Variants in RLN2 observed in about 807,000 individuals in gnomAD.
RLN2 encodes the protein prorelaxin H2.
Under a neutral mutation model 7.3 loss-of-function variants are expected in RLN2, and 10 were observed. The observed-to-expected ratio is 1.36, with a 90% CI of 0.84 to 2.31. The LOEUF (loss-of-function observed/expected upper bound fraction) is 2.31, where lower values mean the gene tolerates loss of function less well. Ranked by LOEUF, RLN2 falls within the 30% of genes most tolerant of loss-of-function variation. The pLI is 0.00. For synonymous variants in RLN2, 103 were observed against 82.3 expected (o/e 1.25, Z -1.36); for missense variants, 298 against 217.6 (o/e 1.37, Z -2.32).
chr9:5,304,612 G>A lies in RLN2; in HGVS notation c.-32C>T. The A allele has an allele frequency of 4.4e-6, 7 of 1,607,056 alleles. No individual in the cohort carries two copies. Among genetic ancestry groups the A allele is most frequent in the South Asian group, 1.1e-5 (1 of 90,878 alleles). The stretch of plus-strand genomic sequence containing the variant: ...CCTGGTCTCTCCTGGAGGTCGGGAC[G>A]TTGCAGCCTTTCAGGACTGCAGCTG... On this transcript the variant is annotated 5_prime_UTR_variant, in exon 1 of 2. In the 5' UTR this introduces an upstream ATG that the reference lacks. Transcript: ENST00000381627.
chr9:5,336,868 C>T, the RLN2 span, among the ~76,000 whole-genome samples: 6 of 151,934 alleles, frequency 3.9e-5, no homozygotes, highest in Admixed American at 3.3e-4. Flanking sequence ...GAAACCACGA[C>T]CCTTCACCTA....
rs1425617567 is a variant in RLN2, at chr9:5,300,349, A to G, written c.307T>C (p.Ser103Pro). The G allele has an allele frequency of 6.2e-7, 1 of 1,613,834 alleles. No homozygotes were observed. Among genetic ancestry groups the G allele is most frequent in the South Asian group, 1.1e-5 (1 of 91,066 alleles). Residue 103 changes from serine (S) to proline (P), a missense_variant, in exon 2 of 2, where the codon TCT becomes CCT. By Grantham distance (74) the Ser-to-Pro change is moderately conservative. Transcript: ENST00000381627. ...NLPQELKLTL[S>P]EMQPALPQLQ... ...TGTGGTAATGCTGGCTGCATCTCAG[A>G]CAGGGTTAACTTCAGCTCCTGTGGC...
chr9:5,313,130 T>G, the RLN2 span, among the ~76,000 whole-genome samples: 2 of 152,026 alleles, frequency 1.3e-5, no homozygotes, highest in African/African-American at 4.8e-5. Context: ...CAAGTTTCCT[T>G]ATTTTCTATC....
rs528116662 is a variant in RLN2 at position 5,300,511 on chromosome 9, A to G, written c.212-67T>C. 31 of 1,081,452 alleles carry G rather than the reference A, an allele frequency of 2.9e-5. 1 individual carries two copies. In the South Asian group the frequency reaches 4.3e-4, roughly 15 times the overall value. 67.0% of individuals were successfully genotyped at this position (1,081,452 alleles called of 1,614,324 possible). On this transcript the variant is annotated intron_variant, in intron 1 of 1. Transcript: ENST00000381627. ...ATGTCAAAGAGCACTCAGAAAAACTATGAATGTTTGCATAGACAAAAAAGC... is the reference window on the plus strand; with the variant it reads ...ATGTCAAAGAGCACTCAGAAAAACTGTGAATGTTTGCATAGACAAAAAAGC...
upstream of RLN2, among the ~76,000 whole-genome samples, chr9:5,307,279 A>AGAG (rs1554618367): frequency 5.2e-4 from 49 of 94,130 alleles, 1 homozygote; most frequent in East Asian, 1.1e-3. Context: ...GAGGATAGAT[A>AGAG]GATAGATAGA....
At chr9:5,311,149 G>A in the RLN2 span, among the ~76,000 whole-genome samples, 1 of 151,944 alleles carries the variant, frequency 6.6e-6, no homozygotes, top group African/African-American at 2.4e-5. Flanking sequence ...ACCATAACTT[G>A]CAACAAAGTG....
chr9:5,327,661 C>G, the RLN2 span, among the ~76,000 whole-genome samples: 1 of 151,962 alleles, frequency 6.6e-6, no homozygotes, highest in African/African-American at 2.4e-5. Context: ...TAGGGGCTGA[C>G]AGACACTTCA....
the RLN2 span, among the ~76,000 whole-genome samples, chr9:5,337,809 CT>C: frequency 7.9e-5 from 12 of 152,028 alleles, no homozygotes; most frequent in East Asian, 2.3e-3. Context: ...CATGTCTCTT[CT>C]AAAGAAATAA....
At chr9:5,317,282 A>G in the RLN2 span, among the ~76,000 whole-genome samples, 1 of 151,916 alleles carries the variant, frequency 6.6e-6, no homozygotes, top group East Asian at 1.9e-4. Context: ...CTGAATGGAT[A>G]AAAAACCAAG....
At chr9:5,317,994 A>G in the RLN2 span, among the ~76,000 whole-genome samples, 13 of 64,746 alleles carry the variant, frequency 2.0e-4, no homozygotes, top group African/African-American at 7.3e-4. Context: ...TAACAAAACT[A>G]TGTGTGTGTG....
chr9:5,313,236 T>C, the RLN2 span, among the ~76,000 whole-genome samples: 1 of 152,104 alleles, frequency 6.6e-6, no homozygotes, highest in Non-Finnish European at 1.5e-5. Context: ...ATTTGTGTTA[T>C]GAATATATAG....
At chr9:5,316,000 TAA>T in the RLN2 span, among the ~76,000 whole-genome samples, 2 of 151,964 alleles carry the variant, frequency 1.3e-5, no homozygotes, top group African/African-American at 4.8e-5. Context: ...TATGAAGATA[TAA>T]GAGAGTATCA....
At chr9:5,321,270 A>C in the RLN2 span, among the ~76,000 whole-genome samples, 2 of 152,096 alleles carry the variant, frequency 1.3e-5, no homozygotes, top group Non-Finnish European at 2.9e-5. Context: ...TTAGAAAATG[A>C]GCTCATGGAC....
the RLN2 span, among the ~76,000 whole-genome samples, chr9:5,329,577 G>A: frequency 1.8e-4 from 13 of 73,652 alleles, no homozygotes; most frequent in East Asian, 6.1e-4. Flanking sequence ...CCAAGGAAAC[G>A]GAGAGAAAAA....
At chr9:5,310,400 C>G in the RLN2 span, among the ~76,000 whole-genome samples, 1 of 151,914 alleles carries the variant, frequency 6.6e-6, no homozygotes, top group South Asian at 2.1e-4. Flanking sequence ...ACACCCCTGC[C>G]CAAACTGCCA....
the RLN2 span, chr9:5,311,401 C>T: frequency 2.0e-6 from 1 of 503,900 alleles, no homozygotes; most frequent in Non-Finnish European, 3.6e-6. Context: ...TGGACACATT[C>T]TTAATACAAG....
chr9:5,335,452 T>C, the RLN2 span: 2 of 1,613,758 alleles, frequency 1.2e-6, no homozygotes, highest in Non-Finnish European at 1.7e-6. Flanking sequence ...TGGAATCCTT[T>C]AATGCAGGTA....
chr9:5,321,128 A>G, the RLN2 span, among the ~76,000 whole-genome samples: 1 of 152,168 alleles, frequency 6.6e-6, no homozygotes, highest in Admixed American at 6.5e-5. Flanking sequence ...AAAAGTTTAA[A>G]TTCCAATCTT....
chr9:5,301,775 T>A (rs983277544), intron 1 of RLN2, among the ~76,000 whole-genome samples: 3 of 152,166 alleles, frequency 2.0e-5, no homozygotes, highest in South Asian at 2.1e-4. Context: ...TGGCAAGAGA[T>A]TCAGTTGTTC....
Sources: allele counts gnomAD v4.1 joint callset (sites outside exome capture counted in the v4.1 genomes callset), GRCh38; gene constraint gnomAD v4.1.1; transcripts MANE v1.5; gene names NCBI Gene and HGNC (gene_info 2026-07-23, HGNC 2026-07-21).